PBK: variants seen among roughly 807,000 people sequenced by gnomAD.
PBK encodes the protein PDZ binding kinase.
Under a neutral mutation model 33.5 loss-of-function variants are expected in PBK, and 22 were observed. The observed-to-expected ratio is 0.66, with a 90% CI of 0.47 to 0.94. The LOEUF is 0.94. Among genes scored for constraint, PBK ranks in the 40% least tolerant of loss-of-function variants. The probability of loss-of-function intolerance (pLI) is 0.00; values close to 1 mark genes in which losing one functional copy is unlikely to be tolerated. For missense variants in PBK, 376 were observed against 383.4 expected (o/e 0.98, Z 0.16); for synonymous variants, 129 against 123.8 (o/e 1.04, Z -0.28).
At chr8:27,835,921 AT>A (rs1806219156) in intron 1 of PBK, among the ~76,000 whole-genome samples, 2 of 510 alleles carry the variant, frequency 3.9e-3, no homozygotes, top group Non-Finnish European at 0.018. Context: ...CACTGAGCAC[AT>A]ACAATGTGCT....
intron 1 of PBK, among the ~76,000 whole-genome samples, chr8:27,836,482 G>A (rs1171601793): frequency 6.6e-6 from 1 of 151,578 alleles, no homozygotes; most frequent in Non-Finnish European, 1.5e-5. Flanking sequence ...TTTGTGGGAT[G>A]GCAGCACGCA....
At chr8:27,820,271 A>G (rs770569386) in intron 6 of PBK, among the ~76,000 whole-genome samples, 21 of 152,268 alleles carry the variant, frequency 1.4e-4, no homozygotes, top group Non-Finnish European at 2.9e-4. Flanking sequence ...TTTACTTTCT[A>G]TTCCCAGATG....
In PBK at chr8:27,809,952, T is replaced by A. The variant is rs143110122; in HGVS notation, c.*353A>T. 58 of 234,064 alleles carry A rather than the reference T, an allele frequency of 2.5e-4. No homozygotes were observed. The East Asian group carries it at 5.9e-3, about 24-fold the overall frequency. 14.5% of individuals were successfully genotyped at this position (234,064 alleles called of 1,614,324 possible). On this transcript the variant is annotated 3_prime_UTR_variant, in exon 8 of 8. Transcript: ENST00000301905. ...GTACTGTACAAAGTGCTAATGTCAG[T>A]AGATCCATTAAAATATAGAATATTT...
intron 3 of PBK, among the ~76,000 whole-genome samples, chr8:27,823,480 G>A (rs867181580): frequency 2.6e-5 from 4 of 151,990 alleles, no homozygotes; most frequent in South Asian, 2.1e-4. Context: ...CTTTAAACCT[G>A]AAAATTGTAA....
chr8:27,811,226 T>C, intron 6 of PBK, 92 bp from the exon 7 acceptor site: 1 of 1,049,572 alleles, frequency 9.5e-7, no homozygotes, highest in Non-Finnish European at 1.5e-6. Flanking sequence ...TTTGAACAAG[T>C]AGTTCACAGG....
At chr8:27,830,389 G>A (rs1360030743) in intron 2 of PBK, among the ~76,000 whole-genome samples, 1 of 151,782 alleles carries the variant, frequency 6.6e-6, no homozygotes, top group African/African-American at 2.4e-5. Flanking sequence ...TAGAGCAGAA[G>A]AATAACTAAA....
chr8:27,836,133 CCTT>C lies in PBK; in HGVS notation c.-21+1516_-21+1518del, dbSNP rs1806223924. ...AGTTTAAAGTGGTCAAGAAAGGTCT[CCTT>C]GAGAAACTCATTTGAAGGAAGTGAG... On this transcript the variant is annotated intron_variant, in intron 1 of 7. Coordinates refer to ENST00000301905, the MANE Select transcript of PBK (RefSeq NM_018492.4). Among the ~76,000 whole-genome samples the C allele has an allele frequency of 2.0e-5, 3 of 151,926 alleles. No homozygotes were observed. The South Asian group carries it at 6.2e-4, about 32-fold the overall frequency.
chr8:27,810,897 T>G, intron 7 of PBK, 61 bp downstream of exon 7: 1 of 1,107,082 alleles, frequency 9.0e-7, no homozygotes, highest in South Asian at 1.3e-5. Flanking sequence ...AAAGATAAAA[T>G]TATATAATCT....
At chr8:27,813,523 A>G (rs981825847) in intron 6 of PBK, among the ~76,000 whole-genome samples, 2 of 152,172 alleles carry the variant, frequency 1.3e-5, no homozygotes, top group African/African-American at 4.8e-5. Context: ...AACAAATTAT[A>G]TATGTTTAAG....
At chr8:27,833,018 C>T (rs1429394966) in intron 2 of PBK, 38 bp downstream of exon 2, 4 of 1,213,834 alleles carry the variant, frequency 3.3e-6, no homozygotes, top group African/African-American at 3.1e-5. Flanking sequence ...AGAGAAACAA[C>T]AATAGTAAAA....
chr8:27,817,548 CCT>C (rs971511781), intron 6 of PBK, among the ~76,000 whole-genome samples: 3 of 145,478 alleles, frequency 2.1e-5, no homozygotes, highest in African/African-American at 5.2e-5. Context: ...AGGTTTTAAC[CCT>C]GTTTTTTTTT....
chr8:27,811,471 C>T (rs938192638), intron 6 of PBK: 4 of 421,964 alleles, frequency 9.5e-6, no homozygotes, highest in African/African-American at 8.0e-5. Context: ...GCTGCGTGAC[C>T]TTGAGCAGAT....
At chr8:27,815,600 G>A (rs1297587255) in intron 6 of PBK, among the ~76,000 whole-genome samples, 1 of 152,270 alleles carries the variant, frequency 6.6e-6, no homozygotes, top group East Asian at 1.9e-4. Context: ...ACACCGTTCA[G>A]TATATACACG....
chr8:27,822,372 A>G lies in PBK; in HGVS notation c.412T>C (p.Phe138Leu). 1.2e-6 allele frequency: 2 copies of G among 1,613,482 alleles called. No homozygotes were observed. The highest frequency in any genetic ancestry group is 2.2e-5 in the South Asian group (2 of 90,934). Residue 138 changes from phenylalanine to leucine, a missense_variant, in exon 5 of 8, where the codon TTT becomes CTT. Coordinates refer to ENST00000301905, the MANE Select transcript of PBK (RefSeq NM_018492.4). ...EERYKASQDP[F>L]PAAIILKVAL... ...ACTTTTAAAATTATGGCTGCTGGAA[A>G]AGGATCTTGGCTGGCTTTATATCGT...
rs754663737 is a variant in PBK, at chr8:27,811,089, G to A, written c.641C>T (p.Pro214Leu). The change falls in exon 7 of 8, where the codon CCC becomes CTC. Residue 214 changes from proline to leucine, a missense_variant. Pro to Leu is a moderately conservative substitution (Grantham distance 98). Transcript: ENST00000301905. ...ACYIGTEPWK[P>L]KEAVEENGVI... ...ACCATTCTCCTCCACAGCTTCTTTGGGTTTCCATGGCTCTGTGCCAATGTA... is the reference window on the plus strand; with the variant it reads ...ACCATTCTCCTCCACAGCTTCTTTGAGTTTCCATGGCTCTGTGCCAATGTA... The A allele has an allele frequency of 3.1e-6, 5 of 1,613,414 alleles. No individual in the cohort carries two copies. Among genetic ancestry groups the A allele is most frequent in the East Asian group, 2.2e-5 (1 of 44,896 alleles).
At chr8:27,817,104 G>T (rs549361170) in intron 6 of PBK, among the ~76,000 whole-genome samples, 3 of 152,178 alleles carry the variant, frequency 2.0e-5, no homozygotes, top group Admixed American at 2.0e-4. Context: ...TTTAAGAATT[G>T]CTATTGCTAA....
intron 3 of PBK, among the ~76,000 whole-genome samples, chr8:27,825,869 G>GT (rs1253943690): frequency 1.2e-4 from 18 of 152,272 alleles, no homozygotes; most frequent in African/African-American, 3.8e-4. Context: ...TGAGAAATCA[G>GT]TAAGTTCAAC....
chr8:27,811,396 T>C, intron 6 of PBK: 4 of 559,320 alleles, frequency 7.2e-6, no homozygotes, highest in Non-Finnish European at 1.3e-5. Flanking sequence ...AATGTGGATG[T>C]TGAGATTACA....
intron 6 of PBK, among the ~76,000 whole-genome samples, chr8:27,815,819 A>C (rs1341532527): frequency 6.6e-6 from 1 of 152,234 alleles, no homozygotes; most frequent in Non-Finnish European, 1.5e-5. Context: ...CATAGTATTT[A>C]AACATAATGG....
Sources: gnomAD v4.1 joint callset for allele counts (sites outside exome capture counted in the v4.1 genomes callset) on GRCh38, gnomAD v4.1.1 for gene constraint, MANE v1.5 for transcripts, NCBI Gene and HGNC (gene_info 2026-07-23, HGNC 2026-07-21) for gene names.